The following UBE4A variants were observed in gnomAD, a reference collection of about 807,000 sequenced individuals.
The protein encoded by UBE4A is ubiquitination factor E4A.
Under a neutral mutation model 117.9 loss-of-function variants are expected in UBE4A, and 48 were observed. The observed-to-expected ratio is 0.41, with a 90% CI of 0.32 to 0.52. UBE4A has a LOEUF of 0.52. Among genes scored for constraint, UBE4A ranks in the 20% least tolerant of loss-of-function variants. The probability of loss-of-function intolerance (pLI) is 0.33; values close to 1 mark genes in which losing one functional copy is unlikely to be tolerated. For synonymous variants in UBE4A, 407 were observed against 450.0 expected, an observed-to-expected ratio of 0.90 and a Z score of 1.21; for missense variants, 1,067 against 1,296.3, an observed-to-expected ratio of 0.82 and a Z score of 2.72.
Position 118,382,785 on chromosome 11 carries a change from G to T in UBE4A, c.2197+9G>T. 6.4e-7 allele frequency: 1 copy of T among 1,560,128 alleles called. No individual in the cohort carries two copies. On this transcript the variant is annotated intron_variant, in intron 13 of 19. Transcript: ENST00000252108. ...GGACATCGAATTTACAGGTAAAGCA[G>T]TCATGAAGCTGAGCCCAGAACTGGG...
At chr11:118,366,415 C>T (rs1027082412) in intron 2 of UBE4A, among the ~76,000 whole-genome samples, 2 of 152,196 alleles carry the variant, frequency 1.3e-5, no homozygotes, top group Non-Finnish European at 2.9e-5. Flanking sequence ...AAAAACTCAA[C>T]AGTATAGCAG....
intron 6 of UBE4A, 23 bp from the exon 7 acceptor site, chr11:118,373,063 C>A (rs759440614): frequency 5.1e-5 from 82 of 1,609,054 alleles, no homozygotes; most frequent in African/African-American, 6.7e-5. Context: ...GCCCTCCTTT[C>A]TCTCTCATTT....
Position 118,373,291 on chromosome 11 carries a change from A to G in UBE4A, c.924+3A>G, listed in dbSNP as rs372484718. 1.2e-5 allele frequency: 19 copies of G among 1,611,596 alleles called. No individual in the cohort carries two copies. The African/African-American group carries it at 2.4e-4, about 20-fold the overall frequency. On this transcript the variant is annotated splice_donor_region_variant and intron_variant, in intron 7 of 19. Coordinates refer to ENST00000252108, the MANE Select transcript of UBE4A (RefSeq NM_001204077.2). The stretch of plus-strand genomic sequence containing the variant: ...CTAGGCAAAAAGATATGGCAAAGGT[A>G]GGTCTGAAAGATGATATGTATTCAG...
At chr11:118,384,135 G>A (rs1948733023) in intron 13 of UBE4A, among the ~76,000 whole-genome samples, 2 of 152,178 alleles carry the variant, frequency 1.3e-5, no homozygotes, top group Non-Finnish European at 2.9e-5. Context: ...TGGAGCTCTA[G>A]TAATACCTTT....
At position 118,382,651 on chromosome 11, in the gene UBE4A, T is replaced by C; in HGVS notation, c.2072T>C (p.Leu691Pro). ...GTGTTGGAAGCAGTGATGCCCCACC[T>C]GGATCAGACCCCAAATCCCTTGGTA... Reference protein sequence around the residue: ...AEVLEAVMPHLDQTPNPLVSS... With the variant: ...AEVLEAVMPHPDQTPNPLVSS... The change falls in exon 13 of 20, where the codon CTG becomes CCG. Residue 691 changes from leucine (L) to proline (P), a missense_variant. Leu to Pro is a moderately conservative substitution (Grantham distance 98). Coordinates refer to ENST00000252108, the MANE Select transcript of UBE4A (RefSeq NM_001204077.2). The C allele has an allele frequency of 6.2e-7, 1 of 1,602,590 alleles. No individual in the cohort carries two copies. Among genetic ancestry groups the C allele is most frequent in the Non-Finnish European group, 8.5e-7 (1 of 1,173,310 alleles).
chr11:118,362,122 T>TTTTGTTTG (rs779092040), intron 1 of UBE4A, among the ~76,000 whole-genome samples: 1 of 152,114 alleles, frequency 6.6e-6, no homozygotes, highest in East Asian at 1.9e-4. Flanking sequence ...TTGATAGTCT[T>TTTTGTTTG]TTTGTTTGTT....
chr11:118,375,198 A>C lies in UBE4A; in HGVS notation c.1419A>C (p.Glu473Asp). 6.2e-7 allele frequency: 1 copy of C among 1,609,894 alleles called. No individual in the cohort carries two copies. The highest frequency in any genetic ancestry group is 8.5e-7 in the Non-Finnish European group (1 of 1,177,146). ...TYCALKELND[E>D]ERKIKNVHMR... ...GTGCCCTCAAGGAGTTGAATGATGA[A>C]GAACGAAAAATTAAAAATGTACACA... The change falls in exon 9 of 20, where the codon GAA becomes GAC. Residue 473 changes from glutamate (E) to aspartate (D), a missense_variant. Glu to Asp is a conservative substitution (Grantham distance 45). Transcript: ENST00000252108.
chr11:118,382,626 G>A lies in UBE4A; in HGVS notation c.2047G>A (p.Val683Met). 6.3e-7 allele frequency: 1 copy of A among 1,586,134 alleles called. No individual in the cohort carries two copies. Among genetic ancestry groups the A allele is most frequent in the Non-Finnish European group, 8.6e-7 (1 of 1,162,210 alleles). Residue 683 changes from valine to methionine, a missense_variant, in exon 13 of 20, where the codon GTG becomes ATG. By Grantham distance (21) the Val-to-Met change is conservative (BLOSUM62 1). Around this residue, in one of 3 missense-constraint regions of UBE4A, gnomAD observed 1,001 missense variants for 1,184.0 expected, o/e 0.85. Transcript: ENST00000252108. Reference protein sequence around the residue: ...NPHLRAKLAEVLEAVMPHLDQ... With the variant: ...NPHLRAKLAEMLEAVMPHLDQ... ...CCACCTGAGGGCCAAACTAGCAGAG[G>A]TGTTGGAAGCAGTGATGCCCCACCT...
At chr11:118,380,876 A>G (rs1555126232) in intron 11 of UBE4A, among the ~76,000 whole-genome samples, 1 of 152,218 alleles carries the variant, frequency 6.6e-6, no homozygotes, top group African/African-American at 2.4e-5. Flanking sequence ...GCAAGTGACC[A>G]AAATGGAGAC....
chr11:118,365,065 G>A lies in UBE4A; in HGVS notation c.-16G>A, dbSNP rs376003404. ...CCTCTCCCACTAGGTCTGGATGGAG[G>A]ATACCTTAAAGTGAAATGACAGACC... On this transcript the variant is annotated 5_prime_UTR_variant, in exon 2 of 20. Coordinates refer to ENST00000252108, the MANE Select transcript of UBE4A (RefSeq NM_001204077.2). 1.1e-4 allele frequency: 172 copies of A among 1,612,994 alleles called. No homozygotes were observed. The highest frequency in any genetic ancestry group is 1.4e-4 in the Non-Finnish European group (169 of 1,179,632).
In UBE4A at chr11:118,395,740, A is replaced by G. The variant is rs1948865055; in HGVS notation, c.3075-574A>G. ...GCATAGCATTTTTTAAGCCACTGTA[A>G]TTAAATATCATCTGAACAGCAGTGT... On this transcript the variant is annotated intron_variant, in intron 19 of 19. Transcript: ENST00000252108. 2.0e-5 allele frequency among the ~76,000 whole-genome samples: 3 copies of G among 152,330 alleles called. No homozygotes were observed. In the South Asian group the frequency reaches 6.2e-4, roughly 32 times the overall value.
At chr11:118,396,044 C>T (rs1297392112) in intron 19 of UBE4A, among the ~76,000 whole-genome samples, 2 of 150,882 alleles carry the variant, frequency 1.3e-5, no homozygotes, top group African/African-American at 4.9e-5. Flanking sequence ...CACTGCACTC[C>T]ATCCTGGGTG....
intron 8 of UBE4A, among the ~76,000 whole-genome samples, chr11:118,374,003 A>C (rs185723936): frequency 6.6e-6 from 1 of 151,748 alleles, no homozygotes; most frequent in African/African-American, 2.4e-5. Flanking sequence ...AGTCCCACCT[A>C]CTCGGGAGGC....
At chr11:118,395,908 C>T (rs1359165853) in intron 19 of UBE4A, among the ~76,000 whole-genome samples, 2 of 152,032 alleles carry the variant, frequency 1.3e-5, no homozygotes, top group Non-Finnish European at 2.9e-5. Context: ...AACTCTGTTT[C>T]TACTGAAAAT....
Position 118,396,456 on chromosome 11 carries a change from C to G in UBE4A, c.*16C>G, listed in dbSNP as rs1555129755. The stretch of plus-strand genomic sequence containing the variant: ...ACTTGAATAGATACTGTGAACTAAC[C>G]AAACCAAAACCAACCCCAGAGTGCA... On this transcript the variant is annotated 3_prime_UTR_variant, in exon 20 of 20. Coordinates refer to ENST00000252108, the MANE Select transcript of UBE4A (RefSeq NM_001204077.2). The G allele has an allele frequency of 1.2e-6, 2 of 1,608,932 alleles. No individual in the cohort carries two copies. The highest frequency in any genetic ancestry group is 1.7e-6 in the Non-Finnish European group (2 of 1,177,802).
chr11:118,391,800 G>GA (rs11445365), intron 18 of UBE4A, among the ~76,000 whole-genome samples: 49,877 of 138,672 alleles, frequency 0.36, 8,941 homozygotes, highest in East Asian at 0.58. Flanking sequence ...TCTCAAAAAA[G>GA]AAAAAAAAAA....
In UBE4A at chr11:118,390,687, C is replaced by G; in HGVS notation, c.2799C>G (p.Pro933=). ...GDEENFCATV[P]KDGRSYSPTL... is the part of the protein sequence containing the mutation. ...AGGAGAATTTCTGTGCCACTGTGCC[C>G]AAGGATGGACGTTCCTATTCCCCAA... The change falls in exon 18 of 20, where the codon CCC becomes CCG. Residue 933 remains proline, a synonymous_variant. Transcript: ENST00000252108. 1 of 1,551,612 alleles carries G rather than the reference C, an allele frequency of 6.4e-7. No individual in the cohort carries two copies. Among genetic ancestry groups the G allele is most frequent in the Non-Finnish European group, 8.7e-7 (1 of 1,152,312 alleles).
At position 118,382,895 on chromosome 11, in the gene UBE4A, A is replaced by G. The variant is rs139161224; in HGVS notation, c.2197+119A>G. The G allele has an allele frequency of 2.8e-5, 26 of 915,262 alleles. No individual in the cohort carries two copies. In the African/African-American group the frequency reaches 2.9e-4, roughly 10 times the overall value. 56.7% of individuals were successfully genotyped at this position (915,262 alleles called of 1,614,324 possible). A position where few individuals can be genotyped will look rare whatever the true frequency, so the allele number is the denominator to read the frequency against. Reference sequence around the variant, plus strand: ...AGCCATTACTTATTGAATACCTACTATATGCCAGGCTTGATGATAAGTGCT... The same window carrying G: ...AGCCATTACTTATTGAATACCTACTGTATGCCAGGCTTGATGATAAGTGCT... On this transcript the variant is annotated intron_variant, in intron 13 of 19. Transcript: ENST00000252108.
At chr11:118,378,684 A>G (rs1555125783) in intron 10 of UBE4A, 1 of 152,260 alleles carries the variant, frequency 6.6e-6, no homozygotes, top group Non-Finnish European at 1.5e-5. Context: ...GACATTTTAA[A>G]TAAGACAGTA....
Sources: gnomAD v4.1 joint callset for allele counts (sites outside exome capture counted in the v4.1 genomes callset) on GRCh38, gnomAD v4.1.1 for gene constraint, gnomAD v4.1.1 regional missense constraint, MANE v1.5 for transcripts, NCBI Gene and HGNC (gene_info 2026-07-23, HGNC 2026-07-21) for gene names.